Variants in WWP1 observed in about 807,000 individuals in gnomAD.
WWP1 encodes the protein WW domain containing E3 ubiquitin protein ligase 1.
WWP1 carries 49 observed loss-of-function variants against 130.6 expected under a neutral mutation model. The ratio of observed to expected loss-of-function variants is 0.38; its 90% CI spans 0.30 to 0.48. WWP1 has a LOEUF of 0.48. WWP1 is among the 20% of genes least tolerant of loss of function. WWP1 has a pLI of 0.99. For missense variants in WWP1, 809 were observed against 1,100.6 expected (o/e 0.74, Z 3.75); for synonymous variants, 332 against 367.8 (o/e 0.90, Z 1.11).
At chr8:86,353,798 T>C (rs1040022997) in intron 1 of WWP1, among the ~76,000 whole-genome samples, 6 of 152,192 alleles carry the variant, frequency 3.9e-5, no homozygotes, top group Admixed American at 2.0e-4. Context: ...AAGCCTATTG[T>C]ATCTGTTTGT....
Position 86,466,899 on chromosome 8 carries a change from G to C in WWP1, c.*6G>C, listed in dbSNP as rs1563561139. On this transcript the variant is annotated 3_prime_UTR_variant, in exon 25 of 25. Transcript: ENST00000517970. ...AGGGATTTGGACAAGAATGAATGTGGCTTCTTATTTTGGAGGAGCTCTTGC... is the reference window on the plus strand; with the variant it reads ...AGGGATTTGGACAAGAATGAATGTGCCTTCTTATTTTGGAGGAGCTCTTGC... The C allele has an allele frequency of 1.9e-6, 3 of 1,598,670 alleles. No homozygotes were observed. The highest frequency in any genetic ancestry group is 1.3e-5 in the African/African-American group (1 of 74,090).
intron 17 of WWP1, 42 bp from the exon 18 acceptor site, chr8:86,442,577 C>A: frequency 1.3e-6 from 2 of 1,514,060 alleles, no homozygotes; most frequent in Non-Finnish European, 1.8e-6. Context: ...TTTAAATTCA[C>A]ATATTAATGC....
rs1286844903 is a variant in WWP1, at chr8:86,423,861, C to G, written c.1062-1362C>G. On this transcript the variant is annotated intron_variant, in intron 9 of 24. Coordinates refer to ENST00000517970, the MANE Select transcript of WWP1 (RefSeq NM_007013.4). The stretch of plus-strand genomic sequence containing the variant: ...GCGGCGGCTGGGCAGAGGCGCCCCC[C>G]ACCTCCCTCCCGGACGGGGCGGCTG... Among the ~76,000 whole-genome samples the G allele has an allele frequency of 1.1e-3, 155 of 146,080 alleles. 2 individuals carry two copies. Among genetic ancestry groups the G allele is most frequent in the African/African-American group, 3.7e-3 (147 of 39,286 alleles).
intron 18 of WWP1, among the ~76,000 whole-genome samples, chr8:86,447,608 G>A (rs1046229630): frequency 3.9e-5 from 6 of 152,104 alleles, no homozygotes; most frequent in African/African-American, 1.2e-4. Context: ...AATCTAAACT[G>A]AGTAAGGGAA....
intron 5 of WWP1, among the ~76,000 whole-genome samples, chr8:86,389,791 C>G (rs1348159291): frequency 6.6e-6 from 1 of 150,954 alleles, no homozygotes; most frequent in Non-Finnish European, 1.5e-5. Context: ...CGGAGGCCGC[C>G]CCCCACCTCC....
chr8:86,393,741 T>TTTGAGTATGTTGGCCAGCCTCTAAA (rs1807484273), intron 5 of WWP1, among the ~76,000 whole-genome samples: 1 of 152,228 alleles, frequency 6.6e-6, no homozygotes, highest in South Asian at 2.1e-4. Context: ...TTCTCATACT[T>TTTGAGTATGTTGGCCAGCCTCTAAA]TTGAGTATGT....
At chr8:86,423,977 T>TCCCG (rs1401676380) in intron 9 of WWP1, among the ~76,000 whole-genome samples, 14 of 3,378 alleles carry the variant, frequency 4.1e-3, no homozygotes, top group Non-Finnish European at 9.0e-3. Flanking sequence ...AAGTTAGCGC[T>TCCCG]TATGGGGCTG....
At chr8:86,405,927 G>A (rs1220768220) in intron 8 of WWP1, among the ~76,000 whole-genome samples, 1 of 152,040 alleles carries the variant, frequency 6.6e-6, no homozygotes, top group East Asian at 1.9e-4. Context: ...AATACTAAGG[G>A]GTTTAAGACA....
intron 24 of WWP1, among the ~76,000 whole-genome samples, chr8:86,463,541 T>C (rs1409999603): frequency 6.6e-6 from 1 of 151,920 alleles, no homozygotes; most frequent in Non-Finnish European, 1.5e-5. Context: ...CTCCTCACCT[T>C]GTGATCTGCC....
chr8:86,379,097 C>T (rs1276057041), intron 3 of WWP1, among the ~76,000 whole-genome samples: 1 of 152,174 alleles, frequency 6.6e-6, no homozygotes, highest in Admixed American at 6.5e-5. Flanking sequence ...CAGTCTTCTG[C>T]TATATGGATA....
chr8:86,440,567 C>G, intron 17 of WWP1: 1 of 394,864 alleles, frequency 2.5e-6, no homozygotes, highest in South Asian at 2.0e-5. Context: ...GGTGCCCACA[C>G]AGTCCTTTTT....
intron 17 of WWP1, among the ~76,000 whole-genome samples, chr8:86,439,206 G>A (rs959459432): frequency 3.5e-4 from 53 of 152,250 alleles, no homozygotes; most frequent in African/African-American, 1.2e-3. Context: ...AGCCAGGCGT[G>A]GTGGTGGGCG....
At position 86,411,741 on chromosome 8, in the gene WWP1, A is replaced by AT; in HGVS notation, c.929dup (p.Leu311IlefsTer4). 5 of 1,614,222 alleles carry AT rather than the reference A, an allele frequency of 3.1e-6. No individual in the cohort carries two copies. The highest frequency in any genetic ancestry group is 4.2e-6 in the Non-Finnish European group (5 of 1,180,028). ...AGAATTGGAATCTGAAGCTAGAAGT[A>AT]TATTAGAGCCTGACACCTCTAATTC... On this transcript the variant is annotated frameshift_variant, in exon 9 of 25. Transcript: ENST00000517970. LOFTEE classifies it high-confidence loss of function.
Position 86,381,217 on chromosome 8 carries a change from TACAA to T in WWP1, c.210-284_210-281del, listed in dbSNP as rs1279970941. 3.3e-5 allele frequency among the ~76,000 whole-genome samples: 5 copies of T among 152,318 alleles called. No individual in the cohort carries two copies. The South Asian group carries it at 1.0e-3, about 32-fold the overall frequency. ...GTAAGTCTTTAGACATTTGTTCAAA[TACAA>T]ACAGTGTTACTATGAAGTCTCAGTA... On this transcript the variant is annotated intron_variant, in intron 4 of 24. Transcript: ENST00000517970.
chr8:86,392,721 G>T (rs977520703), intron 5 of WWP1, among the ~76,000 whole-genome samples: 1 of 152,034 alleles, frequency 6.6e-6, no homozygotes, highest in East Asian at 1.9e-4. Flanking sequence ...TATTTGTTTA[G>T]TTTACTAAGA....
chr8:86,460,934 C>T (rs1054687145), intron 22 of WWP1, among the ~76,000 whole-genome samples: 2 of 150,996 alleles, frequency 1.3e-5, no homozygotes, highest in South Asian at 2.1e-4. Flanking sequence ...CTCAGCCTCT[C>T]GAGTAGCTGG....
intron 17 of WWP1, 106 bp from the exon 18 acceptor site, chr8:86,442,513 T>TA (rs1011821196): frequency 1.8e-6 from 2 of 1,112,002 alleles, no homozygotes; most frequent in Non-Finnish European, 2.4e-6. Flanking sequence ...GTGGAGTTCT[T>TA]AAAGACTGTT....
chr8:86,444,545 G>C (rs1028517651), intron 18 of WWP1, among the ~76,000 whole-genome samples: 1 of 152,204 alleles, frequency 6.6e-6, no homozygotes, highest in Non-Finnish European at 1.5e-5. Context: ...CAAAAGATCT[G>C]AGGTAGTAGA....
At chr8:86,446,559 G>T (rs1192320954) in intron 18 of WWP1, among the ~76,000 whole-genome samples, 1 of 151,936 alleles carries the variant, frequency 6.6e-6, no homozygotes, top group Non-Finnish European at 1.5e-5. Flanking sequence ...TATCAAGAGG[G>T]CATTTCCTAG....
Sources: allele counts gnomAD v4.1 joint callset (sites outside exome capture counted in the v4.1 genomes callset), GRCh38; gene constraint gnomAD v4.1.1; transcripts MANE v1.5; gene names NCBI Gene and HGNC (gene_info 2026-07-23, HGNC 2026-07-21).